FHOD3: variants seen among roughly 807,000 people sequenced by gnomAD.
FHOD3 encodes the protein FH1/FH2 domain-containing protein 3.
FHOD3 carries 90 observed loss-of-function variants against 173.0 expected under a neutral mutation model. That is an observed-to-expected ratio of 0.52 (90% confidence interval 0.44 to 0.62). The LOEUF (loss-of-function observed/expected upper bound fraction) is 0.62, where lower values mean the gene tolerates loss of function less well. Ranked by LOEUF, FHOD3 falls within the 20% of genes least tolerant of loss-of-function variation. The pLI, the probability that FHOD3 is intolerant of heterozygous loss-of-function variation, is 0.00. For missense variants in FHOD3, 1,945 were observed against 2,034.7 expected, an observed-to-expected ratio of 0.96 and a Z score of 0.85; for synonymous variants, 828 against 823.0, an observed-to-expected ratio of 1.01 and a Z score of -0.10.
chr18:36,666,706 G>A (rs531335860), intron 14 of FHOD3, among the ~76,000 whole-genome samples: 4 of 152,228 alleles, frequency 2.6e-5, no homozygotes, highest in South Asian at 4.1e-4. Context: ...AGGAAACATC[G>A]AAGGTTTGCA....
chr18:36,649,206 C>T (rs371844957), intron 10 of FHOD3, 110 bp from the exon 11 acceptor site: 13 of 567,334 alleles, frequency 2.3e-5, no homozygotes, highest in Admixed American at 2.0e-4. Context: ...ATTATTATTT[C>T]GTTGTTGTTG....
intron 3 of FHOD3, among the ~76,000 whole-genome samples, chr18:36,450,439 G>GTTTATTTATTTATTTATTTA (rs1380966170): frequency 1.1e-5 from 1 of 91,088 alleles, no homozygotes. Context: ...TTTACGACCA[G>GTTTATTTATTTATTTATTTA]TTTGTTTATT....
chr18:36,445,546 C>A (rs2051417267), intron 3 of FHOD3, among the ~76,000 whole-genome samples: 1 of 152,054 alleles, frequency 6.6e-6, no homozygotes, highest in African/African-American at 2.4e-5. Context: ...TGGAGTGGTA[C>A]CCTGTGAAAG....
At chr18:36,454,025 C>T (rs17746719) in intron 3 of FHOD3, among the ~76,000 whole-genome samples, 16,045 of 152,126 alleles carry the variant, frequency 0.11, 1,754 homozygotes, top group African/African-American at 0.26. Flanking sequence ...TCCAAGATGG[C>T]GCTCTTTCTT....
chr18:36,387,580 C>T (rs1213463575), intron 3 of FHOD3, among the ~76,000 whole-genome samples: 3 of 152,224 alleles, frequency 2.0e-5, no homozygotes, highest in South Asian at 2.1e-4. Context: ...GAAATAGACA[C>T]ATAAGTGAAT....
chr18:36,613,234 G>A (rs975758089), intron 9 of FHOD3, among the ~76,000 whole-genome samples: 1 of 152,194 alleles, frequency 6.6e-6, no homozygotes, highest in African/African-American at 2.4e-5. Flanking sequence ...GCAAGGAATG[G>A]CAGACATGCA....
chr18:36,518,025 G>A (rs1738269764), intron 5 of FHOD3, among the ~76,000 whole-genome samples: 1 of 152,126 alleles, frequency 6.6e-6, no homozygotes, highest in African/African-American at 2.4e-5. Flanking sequence ...ATGTTAGAAG[G>A]CAGTGGCACA....
At chr18:36,468,202 G>A (rs1197173603) in intron 3 of FHOD3, among the ~76,000 whole-genome samples, 1 of 152,198 alleles carries the variant, frequency 6.6e-6, no homozygotes, top group Admixed American at 6.5e-5. Flanking sequence ...CTGCTGGCTG[G>A]TCTCTGATGT....
In FHOD3 at chr18:36,660,052, C is replaced by T. The variant is rs556297542; in HGVS notation, c.1835+1864C>T. On this transcript the variant is annotated intron_variant, in intron 14 of 28. Coordinates refer to ENST00000590592, the MANE Select transcript of FHOD3 (RefSeq NM_001281740.3). ...TTGGGAGGCCGAGGTGGGCAGATCA[C>T]GAGGTCAGGAGTTTGAGACCAGCCC... Among the ~76,000 whole-genome samples, 425 of 152,200 alleles carry T rather than the reference C, an allele frequency of 2.8e-3. 9 individuals carry two copies. Among genetic ancestry groups the T allele is most frequent in the South Asian group, 4.1e-4 (2 of 4,822 alleles).
intron 3 of FHOD3, among the ~76,000 whole-genome samples, chr18:36,444,009 T>C (rs2051311674): frequency 6.6e-6 from 1 of 151,964 alleles, no homozygotes; most frequent in African/African-American, 2.4e-5. Context: ...ATTGAGACCA[T>C]GGTGAAACCC....
In FHOD3 at chr18:36,682,071, C is replaced by T. The variant is rs188088925; in HGVS notation, c.1970+501C>T. Among the ~76,000 whole-genome samples the T allele has an allele frequency of 1.1e-3, 175 of 152,296 alleles. 1 individual carries two copies. The highest frequency in any genetic ancestry group is 3.8e-3 in the African/African-American group (156 of 41,558). Reference sequence around the variant, plus strand: ...GTTGATTACTCTCAGCCCATTTCCCCCGATCTCCTGGTCTCTGTACAGCTT... The same window carrying T: ...GTTGATTACTCTCAGCCCATTTCCCTCGATCTCCTGGTCTCTGTACAGCTT... On this transcript the variant is annotated intron_variant, in intron 15 of 28. Transcript: ENST00000590592.
At chr18:36,646,964 C>T (rs975286141) in intron 10 of FHOD3, among the ~76,000 whole-genome samples, 9 of 152,242 alleles carry the variant, frequency 5.9e-5, no homozygotes, top group South Asian at 4.1e-4. Flanking sequence ...CGGCCGGGTG[C>T]GGTGGCTCAT....
At chr18:36,475,796 GCATA>G (rs1303834609) in intron 3 of FHOD3, among the ~76,000 whole-genome samples, 1 of 109,274 alleles carries the variant, frequency 9.2e-6, no homozygotes, top group Non-Finnish European at 2.0e-5. Context: ...ACACACACAC[GCATA>G]CATACATATA....
At chr18:36,769,129 A>C in intron 27 of FHOD3, 136 bp from the exon 28 acceptor site, 1 of 981,212 alleles carries the variant, frequency 1.0e-6, no homozygotes. Flanking sequence ...ATCTATCACT[A>C]GCTCTGGGGC....
At chr18:36,325,172 G>A (rs778211052) in intron 1 of FHOD3, among the ~76,000 whole-genome samples, 3 of 151,908 alleles carry the variant, frequency 2.0e-5, no homozygotes, top group Non-Finnish European at 4.4e-5. Flanking sequence ...TGGAGAGGAG[G>A]GGGTTTTGAC....
chr18:36,681,163 A>C (rs2038213117), intron 14 of FHOD3, among the ~76,000 whole-genome samples: 1 of 152,114 alleles, frequency 6.6e-6, no homozygotes, highest in South Asian at 2.1e-4. Context: ...TATAACTCCC[A>C]TTCTTGAGGG....
chr18:36,396,403 T>A (rs1285247446), intron 3 of FHOD3, among the ~76,000 whole-genome samples: 1 of 152,220 alleles, frequency 6.6e-6, no homozygotes, highest in Non-Finnish European at 1.5e-5. Context: ...AGTGATTCTG[T>A]TTCTCTTGAA....
chr18:36,506,325 G>A (rs1022528283), intron 4 of FHOD3, among the ~76,000 whole-genome samples: 3 of 152,134 alleles, frequency 2.0e-5, no homozygotes, highest in African/African-American at 7.2e-5. Context: ...TAGCATGAAG[G>A]ATGTTCAGCA....
chr18:36,586,539 C>T (rs2059037556), intron 6 of FHOD3, among the ~76,000 whole-genome samples: 2 of 151,334 alleles, frequency 1.3e-5, no homozygotes, highest in Non-Finnish European at 2.9e-5. Flanking sequence ...GGCTGGAGTG[C>T]AGTGGCACGA....
Sources: gnomAD v4.1 joint callset for allele counts (sites outside exome capture counted in the v4.1 genomes callset) on GRCh38, gnomAD v4.1.1 for gene constraint, MANE v1.5 for transcripts, NCBI Gene and HGNC (gene_info 2026-07-23, HGNC 2026-07-21) for gene names.